The following ARB2A variants were observed in gnomAD, a reference collection of about 807,000 sequenced individuals.
The protein encoded by ARB2A is cotranscriptional regulator ARB2A.
the ARB2A span, among the ~76,000 whole-genome samples, chr5:93,788,157 T>C: frequency 6.6e-6 from 1 of 152,172 alleles, no homozygotes; most frequent in Non-Finnish European, 1.5e-5. Context: ...ATGCCATCTG[T>C]ATGCAAGTTC....
the ARB2A span, among the ~76,000 whole-genome samples, chr5:93,995,305 A>T: frequency 2.6e-5 from 4 of 152,216 alleles, no homozygotes; most frequent in Non-Finnish European, 5.9e-5. Flanking sequence ...CACAGTAAAC[A>T]GTGATCTCTC....
the ARB2A span, chr5:93,881,559 C>T: frequency 6.2e-7 from 1 of 1,609,700 alleles, no homozygotes; most frequent in South Asian, 1.1e-5. Flanking sequence ...TCTTTAGAAA[C>T]TTTATCTTTT....
At chr5:93,980,411 T>G in the ARB2A span, among the ~76,000 whole-genome samples, 1 of 152,160 alleles carries the variant, frequency 6.6e-6, no homozygotes, top group African/African-American at 2.4e-5. Flanking sequence ...GTGCCAAAGA[T>G]TCACTATAAT....
the ARB2A span, among the ~76,000 whole-genome samples, chr5:93,765,484 G>A: frequency 4.6e-5 from 7 of 152,048 alleles, no homozygotes; most frequent in Non-Finnish European, 7.4e-5. Context: ...AATCCAACTT[G>A]CAAGGGACGT....
At chr5:93,805,794 T>A in the ARB2A span, 4 of 985,046 alleles carry the variant, frequency 4.1e-6, no homozygotes, top group Non-Finnish European at 4.8e-6. Context: ...TTCAGTCCTA[T>A]AAACGGTTTT....
At chr5:93,720,137 C>G in the ARB2A span, among the ~76,000 whole-genome samples, 1 of 152,122 alleles carries the variant, frequency 6.6e-6, no homozygotes, top group African/African-American at 2.4e-5. Context: ...TCCTCATATC[C>G]TTTAATTTTA....
At chr5:93,687,592 C>T in the ARB2A span, among the ~76,000 whole-genome samples, 7,478 of 152,106 alleles carry the variant, frequency 0.049, 578 homozygotes, top group African/African-American at 0.17. Flanking sequence ...CTAAAATAGG[C>T]AATATGTACA....
At chr5:93,749,000 T>C in the ARB2A span, among the ~76,000 whole-genome samples, 1 of 152,204 alleles carries the variant, frequency 6.6e-6, no homozygotes, top group African/African-American at 2.4e-5. Flanking sequence ...GCACTTTCAA[T>C]GTTGTGAAAC....
chr5:93,754,699 C>CA, the ARB2A span, among the ~76,000 whole-genome samples: 2 of 152,190 alleles, frequency 1.3e-5, no homozygotes, highest in East Asian at 3.8e-4. Flanking sequence ...CATACACAGT[C>CA]AAAAATTAAA....
chr5:93,784,869 G>C, the ARB2A span, among the ~76,000 whole-genome samples: 2 of 152,294 alleles, frequency 1.3e-5, no homozygotes, highest in East Asian at 3.9e-4. Context: ...GGGGTTCACT[G>C]TTAGCTACTT....
chr5:93,645,585 A>G, the ARB2A span, among the ~76,000 whole-genome samples: 1 of 151,966 alleles, frequency 6.6e-6, no homozygotes, highest in African/African-American at 2.4e-5. Flanking sequence ...AGAAAAAAAA[A>G]AAAAAAGAAA....
At chr5:93,868,460 AT>A in the ARB2A span, among the ~76,000 whole-genome samples, 1 of 152,238 alleles carries the variant, frequency 6.6e-6, no homozygotes, top group African/African-American at 2.4e-5. Flanking sequence ...CACAGTGTGC[AT>A]GCGTGAGTAC....
At chr5:93,657,266 T>A in the ARB2A span, among the ~76,000 whole-genome samples, 1 of 152,086 alleles carries the variant, frequency 6.6e-6, no homozygotes, top group Non-Finnish European at 1.5e-5. Flanking sequence ...GCACATGAAG[T>A]GGGAAAACTG....
chr5:93,932,621 C>T, the ARB2A span, among the ~76,000 whole-genome samples: 3 of 152,170 alleles, frequency 2.0e-5, no homozygotes, highest in Non-Finnish European at 2.9e-5. Context: ...TGATTTTCCA[C>T]AAGCAAATCG....
the ARB2A span, among the ~76,000 whole-genome samples, chr5:93,772,285 A>G: frequency 6.6e-6 from 1 of 152,148 alleles, no homozygotes; most frequent in Non-Finnish European, 1.5e-5. Flanking sequence ...GAAGGGGAAC[A>G]ACACACTCTG....
At chr5:93,826,701 C>T in the ARB2A span, among the ~76,000 whole-genome samples, 3 of 151,118 alleles carry the variant, frequency 2.0e-5, no homozygotes, top group African/African-American at 2.4e-5. Flanking sequence ...CTCATTAACT[C>T]GTCATTTAAC....
At chr5:94,023,122 T>C in the ARB2A span, among the ~76,000 whole-genome samples, 1 of 152,246 alleles carries the variant, frequency 6.6e-6, no homozygotes, top group Non-Finnish European at 1.5e-5. Flanking sequence ...TCTAAGGGCC[T>C]GATAGGATGA....
chr5:94,031,019 T>C, the ARB2A span, among the ~76,000 whole-genome samples: 3 of 152,212 alleles, frequency 2.0e-5, no homozygotes, highest in African/African-American at 7.2e-5. Flanking sequence ...ATCTATTTTC[T>C]TCATCAATTA....
At chr5:94,079,332 G>C in the ARB2A span, among the ~76,000 whole-genome samples, 1 of 152,062 alleles carries the variant, frequency 6.6e-6, no homozygotes, top group Admixed American at 6.6e-5. Context: ...GTATACATTG[G>C]TCACAAGATG....
Sources: allele counts gnomAD v4.1 joint callset (sites outside exome capture counted in the v4.1 genomes callset), GRCh38; gene constraint gnomAD v4.1.1; transcripts MANE v1.5; gene names NCBI Gene and HGNC (gene_info 2026-07-23, HGNC 2026-07-21).